The following IL1RL1 variants were observed in gnomAD, a reference collection of about 807,000 sequenced individuals.
IL1RL1 encodes interleukin-1 receptor-like 1.
Under a neutral mutation model 50.9 loss-of-function variants are expected in IL1RL1, and 32 were observed. The observed-to-expected ratio is 0.63, with a 90% CI of 0.47 to 0.84. IL1RL1 has a LOEUF of 0.84. IL1RL1 is among the 40% of genes least tolerant of loss of function. The pLI, the probability that IL1RL1 is intolerant of heterozygous loss-of-function variation, is 0.00. For missense variants in IL1RL1, 773 were observed against 662.9 expected (o/e 1.17, Z -1.82); for synonymous variants, 275 against 236.0 (o/e 1.17, Z -1.51).
intron 1 of IL1RL1, among the ~76,000 whole-genome samples, chr2:102,324,539 A>G (rs11674832): frequency 0.48 from 72,448 of 151,788 alleles, 17,548 homozygotes; most frequent in Middle Eastern, 0.64. Context: ...AGCGTGAGCC[A>G]AAGCAGGGCG....
At position 102,347,951 on chromosome 2, in the gene IL1RL1, A is replaced by G. The variant is rs180959006; in HGVS notation, c.977A>G (p.His326Arg). 2 of 1,497,570 alleles carry G rather than the reference A, an allele frequency of 1.3e-6. No homozygotes were observed. The highest frequency in any genetic ancestry group is 1.4e-5 in the African/African-American group (1 of 72,662). 92.8% of individuals were successfully genotyped at this position (1,497,570 alleles called of 1,614,324 possible). A position where few individuals can be genotyped will look rare whatever the true frequency, so the allele number is the denominator to read the frequency against. Residue 326 changes from histidine (H) to arginine (R), a missense_variant, in exon 9 of 11, where the codon CAT becomes CGT. His to Arg is a conservative substitution (Grantham distance 29). Transcript: ENST00000233954. ...VRLSRKNPID[H>R]HSIYCIIAVC... is the part of the protein sequence containing the mutation. ...TTTTCTTTCTTTTGAATAGTTGATC[A>G]TCATAGCATCTACTGCATAATTGCA...
intron 1 of IL1RL1, among the ~76,000 whole-genome samples, chr2:102,317,341 C>T (rs1349502511): frequency 2.0e-5 from 3 of 151,722 alleles, no homozygotes; most frequent in East Asian, 1.9e-4. Context: ...GTGACAGAGC[C>T]GGACTCTGTC....
chr2:102,330,100 C>A (rs1045622230), intron 1 of IL1RL1, among the ~76,000 whole-genome samples: 11 of 152,180 alleles, frequency 7.2e-5, no homozygotes, highest in African/African-American at 2.7e-4. Flanking sequence ...AAATGTCCAA[C>A]AATGATAGAC....
intron 1 of IL1RL1, among the ~76,000 whole-genome samples, chr2:102,323,988 A>G (rs970346348): frequency 4.8e-5 from 7 of 146,748 alleles, no homozygotes; most frequent in Non-Finnish European, 7.5e-5. Flanking sequence ...TTCATTCAGT[A>G]TGTTTCTAAG....
intron 1 of IL1RL1, among the ~76,000 whole-genome samples, chr2:102,321,900 C>G (rs912250742): frequency 1.3e-5 from 2 of 152,234 alleles, no homozygotes; most frequent in African/African-American, 4.8e-5. Flanking sequence ...ACATTTAAAA[C>G]AGTCCGAAGT....
intron 1 of IL1RL1, among the ~76,000 whole-genome samples, chr2:102,330,471 C>A (rs1677145989): frequency 6.6e-6 from 1 of 151,812 alleles, no homozygotes; most frequent in Non-Finnish European, 1.5e-5. Context: ...GCACATGTAC[C>A]CTAAAACTTA....
At chr2:102,350,472 T>C (rs572721198) in intron 10 of IL1RL1, among the ~76,000 whole-genome samples, 1 of 152,388 alleles carries the variant, frequency 6.6e-6, no homozygotes, top group South Asian at 2.1e-4. Flanking sequence ...CCTCTGACCT[T>C]TCCTCAACCA....
intron 1 of IL1RL1, among the ~76,000 whole-genome samples, chr2:102,330,977 C>A (rs1022745137): frequency 6.6e-6 from 1 of 152,106 alleles, no homozygotes; most frequent in South Asian, 2.1e-4. Context: ...GTCAATTTTT[C>A]TATCATTATG....
Position 102,340,806 on chromosome 2 carries a change from G to A in IL1RL1, c.588G>A (p.Ala196=), listed in dbSNP as rs769221277. The A allele has an allele frequency of 3.2e-5, 50 of 1,574,094 alleles. No homozygotes were observed. The highest frequency in any genetic ancestry group is 4.0e-5 in the Non-Finnish European group (47 of 1,167,882). The part of the protein sequence containing the change: ...NENGANYSVT[A]TRSFTVKDEQ... ...ATGGAGCCAATTATAGTGTGACGGC[G>A]ACCAGGTCCTTCACGGTCAAGGGTA... The change falls in exon 5 of 11, where the codon GCG becomes GCA. Residue 196 remains alanine (A), a synonymous_variant. Coordinates refer to ENST00000233954, the MANE Select transcript of IL1RL1 (RefSeq NM_016232.5).
intron 1 of IL1RL1, among the ~76,000 whole-genome samples, chr2:102,311,972 T>TAA (rs573342856): frequency 1.7e-4 from 3 of 17,902 alleles, no homozygotes; most frequent in Admixed American, 6.7e-4. Flanking sequence ...ATATATAATA[T>TAA]TATATATAAT....
intron 1 of IL1RL1, among the ~76,000 whole-genome samples, chr2:102,336,268 T>C (rs1164092428): frequency 6.6e-6 from 1 of 152,212 alleles, no homozygotes; most frequent in Non-Finnish European, 1.5e-5. Flanking sequence ...CATGGGCAAG[T>C]TGCTTAATCT....
chr2:102,335,702 T>C (rs911636459), intron 1 of IL1RL1, among the ~76,000 whole-genome samples: 2 of 152,216 alleles, frequency 1.3e-5, no homozygotes, highest in Non-Finnish European at 2.9e-5. Flanking sequence ...TTACGTGGCC[T>C]AGTTTAAGAA....
chr2:102,327,670 G>A (rs953379998), intron 1 of IL1RL1, among the ~76,000 whole-genome samples: 3 of 152,122 alleles, frequency 2.0e-5, no homozygotes, highest in Admixed American at 1.3e-4. Flanking sequence ...TGACAAAGGC[G>A]ATATCACCAC....
chr2:102,322,389 T>C (rs1357216145), intron 1 of IL1RL1, among the ~76,000 whole-genome samples: 1 of 152,110 alleles, frequency 6.6e-6, no homozygotes, highest in African/African-American at 2.4e-5. Context: ...TATCTAAAAG[T>C]TTTGAGGGAA....
At chr2:102,333,124 G>T (rs1187979357) in intron 1 of IL1RL1, among the ~76,000 whole-genome samples, 6 of 152,128 alleles carry the variant, frequency 3.9e-5, no homozygotes, top group African/African-American at 1.4e-4. Flanking sequence ...TGAGGTGGAA[G>T]ACTTTGGAGG....
intron 1 of IL1RL1, among the ~76,000 whole-genome samples, chr2:102,330,009 A>G (rs1318467104): frequency 6.6e-6 from 1 of 152,214 alleles, no homozygotes; most frequent in Admixed American, 6.5e-5. Flanking sequence ...AAAGGATTAT[A>G]AATCATGCTG....
intron 8 of IL1RL1, among the ~76,000 whole-genome samples, chr2:102,347,343 G>A (rs559067849): frequency 6.6e-6 from 1 of 152,148 alleles, no homozygotes; most frequent in Non-Finnish European, 1.5e-5. Flanking sequence ...TAATCTCTTG[G>A]GAAAACCACT....
At chr2:102,350,351 C>A (rs1296718039) in intron 10 of IL1RL1, among the ~76,000 whole-genome samples, 4 of 152,236 alleles carry the variant, frequency 2.6e-5, no homozygotes, top group Non-Finnish European at 4.4e-5. Flanking sequence ...TTACACTTCT[C>A]CTCAGCCAAA....
At chr2:102,332,144 A>G (rs969215218) in intron 1 of IL1RL1, among the ~76,000 whole-genome samples, 1 of 152,206 alleles carries the variant, frequency 6.6e-6, no homozygotes. Flanking sequence ...CATGAGCTAT[A>G]TCAATAGACA....
Sources: allele counts gnomAD v4.1 joint callset (sites outside exome capture counted in the v4.1 genomes callset), GRCh38; gene constraint gnomAD v4.1.1; transcripts MANE v1.5; gene names NCBI Gene and HGNC (gene_info 2026-07-23, HGNC 2026-07-21).